SORCS3: variants seen among roughly 807,000 people sequenced by gnomAD.
SORCS3 encodes the protein sortilin related VPS10 domain containing receptor 3.
In SORCS3, 57 loss-of-function variants were observed where a neutral mutation model predicts 146.3. The observed-to-expected ratio is 0.39, with a 90% CI of 0.31 to 0.49. The LOEUF (loss-of-function observed/expected upper bound fraction) is 0.49, where lower values mean the gene tolerates loss of function less well. Ranked by LOEUF, SORCS3 falls within the 20% of genes least tolerant of loss-of-function variation. SORCS3 has a pLI of 0.92. For synonymous variants in SORCS3, 653 were observed against 618.5 expected (o/e 1.06, Z -0.83); for missense variants, 1,341 against 1,575.5 (o/e 0.85, Z 2.52).
chr10:104,793,999 G>A (rs1244207966), intron 1 of SORCS3, among the ~76,000 whole-genome samples: 1 of 152,190 alleles, frequency 6.6e-6, no homozygotes, highest in Non-Finnish European at 1.5e-5. Context: ...GGTCAGTGAT[G>A]GCAAAGCTGA....
At chr10:105,051,697 C>T (rs1041217608) in intron 5 of SORCS3, among the ~76,000 whole-genome samples, 2 of 152,182 alleles carry the variant, frequency 1.3e-5, no homozygotes, top group Middle Eastern at 3.4e-3. Flanking sequence ...ATTTTGCAAA[C>T]ACAGTCATTT....
At chr10:105,154,482 C>T (rs1185178796) in intron 9 of SORCS3, among the ~76,000 whole-genome samples, 1 of 152,164 alleles carries the variant, frequency 6.6e-6, no homozygotes, top group East Asian at 1.9e-4. Context: ...GGAAAGTGGG[C>T]CACACAGGCT....
rs1374698831 is a variant in SORCS3 at position 105,089,775 on chromosome 10, G to A, written c.1029G>A (p.Trp343Ter). 6.2e-7 allele frequency: 1 copy of A among 1,613,924 alleles called. No individual in the cohort carries two copies. The highest frequency in any genetic ancestry group is 8.5e-7 in the Non-Finnish European group (1 of 1,179,880). The change falls in exon 6 of 27, where the codon TGG becomes TGA. Residue 343 changes from tryptophan (W) to a stop codon, truncating the protein, a stop_gained and splice_region_variant. Transcript: ENST00000369701. LOFTEE classifies it high-confidence loss of function. ...HERITPNRFYWSVAGLDKEAD... is the reference protein window; with the variant it reads ...HERITPNRFY Reference sequence around the variant, plus strand: ...TTCTGTCTCTCCCTTCCTTTCCCAGGTCGGTGGCCGGATTGGATAAGGAGG... The same window carrying A: ...TTCTGTCTCTCCCTTCCTTTCCCAGATCGGTGGCCGGATTGGATAAGGAGG...
At chr10:104,730,731 A>G (rs2016696161) in intron 1 of SORCS3, among the ~76,000 whole-genome samples, 1 of 152,202 alleles carries the variant, frequency 6.6e-6, no homozygotes, top group Non-Finnish European at 1.5e-5. Flanking sequence ...ATCATGTTAG[A>G]AGGCACCTCT....
At chr10:104,706,372 G>T (rs957114440) in intron 1 of SORCS3, among the ~76,000 whole-genome samples, 5 of 151,450 alleles carry the variant, frequency 3.3e-5, no homozygotes, top group African/African-American at 7.3e-5. Flanking sequence ...CCACGCCCAG[G>T]TGATTTTTGT....
intron 4 of SORCS3, among the ~76,000 whole-genome samples, chr10:105,011,520 A>C (rs2055136119): frequency 6.6e-6 from 1 of 151,930 alleles, no homozygotes; most frequent in African/African-American, 2.4e-5. Context: ...TTTATTGCTG[A>C]GTAGGTTATG....
intron 4 of SORCS3, among the ~76,000 whole-genome samples, chr10:105,022,539 G>A (rs778004394): frequency 6.6e-6 from 1 of 151,794 alleles, no homozygotes; most frequent in Admixed American, 6.6e-5. Context: ...CTGACCTCAG[G>A]TACTTTCCAC....
At chr10:105,225,093 C>A (rs750911268) in intron 20 of SORCS3, among the ~76,000 whole-genome samples, 5 of 151,938 alleles carry the variant, frequency 3.3e-5, no homozygotes, top group Non-Finnish European at 7.4e-5. Flanking sequence ...TAAGGAAGTC[C>A]AGCTTATCAG....
intron 1 of SORCS3, among the ~76,000 whole-genome samples, chr10:104,792,196 G>C (rs1170477804): frequency 6.6e-6 from 1 of 152,156 alleles, no homozygotes; most frequent in Non-Finnish European, 1.5e-5. Context: ...GTTCTGGTCT[G>C]AATTCAAAAC....
chr10:104,798,469 A>T (rs2017584338), intron 1 of SORCS3, among the ~76,000 whole-genome samples: 1 of 152,212 alleles, frequency 6.6e-6, no homozygotes, highest in African/African-American at 2.4e-5. Flanking sequence ...AAAAATGCAA[A>T]TTTGATAGCA....
At chr10:104,974,503 G>T (rs1298586357) in intron 3 of SORCS3, among the ~76,000 whole-genome samples, 1 of 152,128 alleles carries the variant, frequency 6.6e-6, no homozygotes. Context: ...TTTTATCAGA[G>T]ACTAGGATTG....
chr10:105,257,171 C>A (rs1341071309), intron 25 of SORCS3, among the ~76,000 whole-genome samples: 4 of 152,098 alleles, frequency 2.6e-5, no homozygotes, highest in Non-Finnish European at 4.4e-5. Context: ...CCAATGAAAT[C>A]AATTTATTAT....
intron 2 of SORCS3, among the ~76,000 whole-genome samples, chr10:104,880,484 C>G (rs2018619802): frequency 6.6e-6 from 1 of 152,110 alleles, no homozygotes; most frequent in Non-Finnish European, 1.5e-5. Flanking sequence ...GTGGTCTGCC[C>G]TTAAGGAATA....
At chr10:104,759,311 T>A (rs1000897574) in intron 1 of SORCS3, among the ~76,000 whole-genome samples, 8 of 152,190 alleles carry the variant, frequency 5.3e-5, no homozygotes, top group African/African-American at 1.9e-4. Context: ...TCCAGAACTG[T>A]GATAAGATAA....
chr10:105,242,452 A>ACATATT (rs2056832375), intron 20 of SORCS3, among the ~76,000 whole-genome samples: 1 of 78,058 alleles, frequency 1.3e-5, no homozygotes, highest in African/African-American at 4.9e-5. Context: ...ATATATATTT[A>ACATATT]TATATATTTA....
At chr10:104,880,170 A>G (rs925833342) in intron 2 of SORCS3, among the ~76,000 whole-genome samples, 3 of 152,202 alleles carry the variant, frequency 2.0e-5, no homozygotes, top group Non-Finnish European at 4.4e-5. Flanking sequence ...CTTATTAGAT[A>G]TTTAACACAT....
intron 1 of SORCS3, among the ~76,000 whole-genome samples, chr10:104,668,021 G>A (rs139668727): frequency 1.3e-5 from 2 of 152,262 alleles, no homozygotes; most frequent in Non-Finnish European, 2.9e-5. Context: ...AGTTCAAGGC[G>A]CCTTCGTGGC....
At chr10:104,675,126 A>AT (rs571201633) in intron 1 of SORCS3, among the ~76,000 whole-genome samples, 36 of 152,144 alleles carry the variant, frequency 2.4e-4, no homozygotes, top group Admixed American at 4.6e-4. Flanking sequence ...CCAATGCCTA[A>AT]TTTTTTTTAA....
intron 4 of SORCS3, among the ~76,000 whole-genome samples, chr10:105,030,151 C>T (rs1348689247): frequency 6.6e-6 from 1 of 152,180 alleles, no homozygotes; most frequent in Non-Finnish European, 1.5e-5. Flanking sequence ...CTAGTTAATG[C>T]TATGTAACCA....
Sources: allele counts gnomAD v4.1 joint callset (sites outside exome capture counted in the v4.1 genomes callset), GRCh38; gene constraint gnomAD v4.1.1; transcripts MANE v1.5; gene names NCBI Gene and HGNC (gene_info 2026-07-23, HGNC 2026-07-21).